PALM2AKAP2: variants seen among roughly 807,000 people sequenced by gnomAD.
The protein encoded by PALM2AKAP2 is PALM2 and AKAP2 fusion, also known as PALM2-AKAP2 fusion protein.
A neutral mutation model predicts 71.5 loss-of-function variants in PALM2AKAP2; 37 were observed. The ratio of observed to expected loss-of-function variants is 0.52; its 90% CI spans 0.40 to 0.68. The LOEUF is 0.68. PALM2AKAP2 is among the 30% of genes least tolerant of loss of function. PALM2AKAP2 has a pLI of 0.00. For synonymous variants in PALM2AKAP2, 468 were observed against 478.8 expected, an observed-to-expected ratio of 0.98 and a Z score of 0.29; for missense variants, 1,224 against 1,191.8, an observed-to-expected ratio of 1.03 and a Z score of -0.40.
At chr9:110,070,341 A>G (rs1035618249) in intron 1 of PALM2AKAP2, among the ~76,000 whole-genome samples, 15 of 152,216 alleles carry the variant, frequency 9.9e-5, no homozygotes, top group Admixed American at 9.8e-4. Flanking sequence ...TTCTCTTTCT[A>G]CTTTAAACTA....
chr9:109,780,490 TG>T lies in PALM2AKAP2; in HGVS notation c.4del (p.Ala2?), dbSNP rs746284453. On this transcript the variant is annotated frameshift_variant and start_lost, in exon 1 of 10. Coordinates refer to the PALM2AKAP2 transcript ENST00000302798. LOFTEE classifies it high-confidence loss of function. ...CCTGCCTGTGTGCCCTTCTCCAGGA[TG>T]GCAGAGGCGGAATTGCACAAGGAAA... 2.5e-6 allele frequency: 4 copies of T among 1,613,536 alleles called. No homozygotes were observed. The highest frequency in any genetic ancestry group is 8.5e-7 in the Non-Finnish European group (1 of 1,179,972).
At chr9:109,960,479 C>G (rs1831833789) in intron 6 of PALM2AKAP2, among the ~76,000 whole-genome samples, 1 of 152,180 alleles carries the variant, frequency 6.6e-6, no homozygotes, top group Non-Finnish European at 1.5e-5. Flanking sequence ...AAATGACAAT[C>G]AAGATATAAT....
intron 1 of PALM2AKAP2, among the ~76,000 whole-genome samples, chr9:109,744,059 T>C (rs1384666992): frequency 2.0e-5 from 3 of 152,162 alleles, no homozygotes; most frequent in African/African-American, 7.2e-5. Flanking sequence ...AAAATCTGAC[T>C]GAAAGTTAAC....
chr9:110,077,972 C>T (rs181584886), intron 1 of PALM2AKAP2, among the ~76,000 whole-genome samples: 2 of 150,706 alleles, frequency 1.3e-5, no homozygotes, highest in Non-Finnish European at 2.9e-5. Flanking sequence ...CGAGATCGCG[C>T]TACTGCACTC....
chr9:109,807,340 A>G (rs1388312541), intron 1 of PALM2AKAP2, among the ~76,000 whole-genome samples: 1 of 152,216 alleles, frequency 6.6e-6, no homozygotes. Flanking sequence ...TTGAGTGGTC[A>G]GTGTCTTAGC....
intron 1 of PALM2AKAP2, among the ~76,000 whole-genome samples, chr9:109,694,149 C>A (rs1798760913): frequency 1.3e-5 from 2 of 151,974 alleles, no homozygotes; most frequent in Admixed American, 6.6e-5. Context: ...TGGATGAATT[C>A]ATGAACTTTT....
chr9:109,938,471 T>C (rs1341555334), intron 6 of PALM2AKAP2, among the ~76,000 whole-genome samples: 1 of 152,178 alleles, frequency 6.6e-6, no homozygotes, highest in South Asian at 2.1e-4. Flanking sequence ...AAAATACATA[T>C]GCATTTTGTG....
chr9:109,958,396 G>A (rs1343606858), intron 6 of PALM2AKAP2, among the ~76,000 whole-genome samples: 2 of 152,172 alleles, frequency 1.3e-5, no homozygotes, highest in South Asian at 4.1e-4. Context: ...TGAGTGTAAA[G>A]GGACCCATGG....
intron 6 of PALM2AKAP2, among the ~76,000 whole-genome samples, chr9:109,938,766 C>T (rs1413245944): frequency 2.0e-5 from 3 of 152,122 alleles, no homozygotes; most frequent in Non-Finnish European, 2.9e-5. Flanking sequence ...CGGTAGCTCA[C>T]GCCTGTAATC....
intron 7 of PALM2AKAP2, among the ~76,000 whole-genome samples, chr9:110,021,756 A>C (rs1233759393): frequency 6.6e-6 from 1 of 151,618 alleles, no homozygotes; most frequent in African/African-American, 2.4e-5. Context: ...AAAAAAAAAA[A>C]CAGGTATGGA....
At chr9:109,751,661 A>G (rs769248419) in intron 1 of PALM2AKAP2, among the ~76,000 whole-genome samples, 70 of 152,308 alleles carry the variant, frequency 4.6e-4, no homozygotes, top group Non-Finnish European at 7.6e-4. Flanking sequence ...CATGCTCTCA[A>G]TTAAAGAAGT....
At chr9:109,764,150 A>G (rs1038358854) in intron 1 of PALM2AKAP2, among the ~76,000 whole-genome samples, 1 of 152,122 alleles carries the variant, frequency 6.6e-6, no homozygotes, top group African/African-American at 2.4e-5. Context: ...GTCTTCACAC[A>G]GCAACCCATT....
chr9:109,733,382 A>G (rs1052615017), intron 1 of PALM2AKAP2, among the ~76,000 whole-genome samples: 2 of 152,156 alleles, frequency 1.3e-5, no homozygotes, highest in African/African-American at 4.8e-5. Context: ...ACTGGTTAAC[A>G]ATACTTTAGG....
intron 1 of PALM2AKAP2, among the ~76,000 whole-genome samples, chr9:109,761,076 T>C (rs1829044614): frequency 6.6e-6 from 1 of 152,214 alleles, no homozygotes; most frequent in African/African-American, 2.4e-5. Context: ...AATCATTTCT[T>C]ATGTTCTTCA....
In PALM2AKAP2 at chr9:109,738,016, A is replaced by G. The variant is rs551602558; in HGVS notation, c.6-42472A>G. ...GTCTTCCAGATGGCAAGAGGCACAG[A>G]CAATCATTATATATTTGGCCTCTAA... On this transcript the variant is annotated intron_variant, in intron 1 of 6. Coordinates refer to the PALM2AKAP2 transcript ENST00000374531. 7.9e-5 allele frequency among the ~76,000 whole-genome samples: 12 copies of G among 152,350 alleles called. 1 individual carries two copies. Among genetic ancestry groups the G allele is most frequent in the African/African-American group, 2.6e-4 (11 of 41,592 alleles).
intron 1 of PALM2AKAP2, among the ~76,000 whole-genome samples, chr9:110,061,898 G>T (rs1157121355): frequency 6.7e-6 from 1 of 149,388 alleles, no homozygotes; most frequent in East Asian, 1.9e-4. Context: ...TAGGGCAAGG[G>T]TACACAGCTA....
At chr9:109,756,744 A>C (rs1234637044) in intron 1 of PALM2AKAP2, among the ~76,000 whole-genome samples, 1 of 152,166 alleles carries the variant, frequency 6.6e-6, no homozygotes, top group Non-Finnish European at 1.5e-5. Context: ...TTTCACCACC[A>C]GTTGGAATTT....
chr9:109,771,280 G>A (rs1829257417), intron 1 of PALM2AKAP2, among the ~76,000 whole-genome samples: 1 of 152,196 alleles, frequency 6.6e-6, no homozygotes. Flanking sequence ...GGGATTTCTG[G>A]AACTCTGTGA....
At chr9:109,713,889 T>C (rs1828278362) in intron 1 of PALM2AKAP2, among the ~76,000 whole-genome samples, 1 of 152,210 alleles carries the variant, frequency 6.6e-6, no homozygotes, top group Non-Finnish European at 1.5e-5. Flanking sequence ...AAAGAATAGG[T>C]CTAGTAAACT....
Sources: gnomAD v4.1 joint callset for allele counts (sites outside exome capture counted in the v4.1 genomes callset) on GRCh38, gnomAD v4.1.1 for gene constraint, MANE v1.5 for transcripts, NCBI Gene and HGNC (gene_info 2026-07-23, HGNC 2026-07-21) for gene names.